TBC1D9B: variants seen among roughly 807,000 people sequenced by gnomAD.
TBC1D9B encodes TBC1 domain family member 9B, also known as TBC1 domain family, member 9B (with GRAM domain).
A neutral mutation model predicts 121.1 loss-of-function variants in TBC1D9B; 87 were observed. The observed-to-expected ratio is 0.72, with a 90% CI of 0.60 to 0.86. The LOEUF is 0.86. Ranked by LOEUF, TBC1D9B falls within the 40% of genes least tolerant of loss-of-function variation. The pLI, the probability that TBC1D9B is intolerant of heterozygous loss-of-function variation, is 0.00. For missense variants in TBC1D9B, 1,540 were observed against 1,628.6 expected (o/e 0.95, Z 0.94); for synonymous variants, 668 against 670.1 (o/e 1.00, Z 0.05).
In TBC1D9B at chr5:179,875,496, G is replaced by A. The variant is rs569471594; in HGVS notation, c.1901-309C>T. Among the ~76,000 whole-genome samples, 5 of 152,228 alleles carry A rather than the reference G, an allele frequency of 3.3e-5. No individual in the cohort carries two copies. In the East Asian group the frequency reaches 5.8e-4, roughly 18 times the overall value. On this transcript the variant is annotated intron_variant, in intron 11 of 20. Coordinates refer to ENST00000355235, the MANE Select transcript of TBC1D9B (RefSeq NM_015043.4). The surrounding 1 kb of genome is among the most constrained non-coding windows in gnomAD (Gnocchi z 4.5). The stretch of plus-strand genomic sequence containing the variant: ...ATGACTCTGTCCCATCCTGATGATT[G>A]TGAATAGACGCAGCTCTGAAGGACC...
intron 3 of TBC1D9B, among the ~76,000 whole-genome samples, chr5:179,898,312 C>T (rs1014514087): frequency 3.3e-5 from 5 of 151,984 alleles, no homozygotes; most frequent in African/African-American, 9.7e-5. Context: ...CCACCACGCC[C>T]GGCTAATTTT....
At chr5:179,905,364 G>A (rs1422696867) in intron 1 of TBC1D9B, among the ~76,000 whole-genome samples, 3 of 152,194 alleles carry the variant, frequency 2.0e-5, no homozygotes, top group Non-Finnish European at 4.4e-5. Context: ...ATCAAGAACA[G>A]AAAGATAATG....
intron 7 of TBC1D9B, chr5:179,887,885 G>A: frequency 1.6e-6 from 1 of 620,986 alleles, no homozygotes; most frequent in Non-Finnish European, 2.8e-6. Flanking sequence ...CAGCAGGAGT[G>A]AGGAGTACCG....
chr5:179,862,828 G>A lies in TBC1D9B; in HGVS notation c.*620C>T, dbSNP rs1759883591. 3.0e-6 allele frequency: 1 copy of A among 333,550 alleles called. No individual in the cohort carries two copies. Among genetic ancestry groups the A allele is most frequent in the Non-Finnish European group, 6.1e-6 (1 of 164,126 alleles). 20.7% of individuals were successfully genotyped at this position (333,550 alleles called of 1,614,324 possible). On this transcript the variant is annotated 3_prime_UTR_variant, in exon 21 of 21. Transcript: ENST00000355235. The stretch of plus-strand genomic sequence containing the variant: ...AATCCAAGGAAATATATCAGGACCT[G>A]AGGGATGTTTTTTTAAAGTTACTGG...
Position 179,865,228 on chromosome 5 carries a change from C to T in TBC1D9B, c.3021+26G>A, listed in dbSNP as rs1214988885. The T allele has an allele frequency of 1.2e-6, 2 of 1,607,402 alleles. No homozygotes were observed. The highest frequency in any genetic ancestry group is 1.1e-5 in the South Asian group (1 of 90,946). On this transcript the variant is annotated intron_variant, in intron 20 of 20. Transcript: ENST00000355235. This position sits in a 1 kb window ranked among gnomAD's most constrained non-coding sequence, Gnocchi z 5.1. Reference sequence around the variant, plus strand: ...CTTGGTCAGAACTCTCCAGAAATGTCTACTGTGGGCTCCAGTGGAGCCTAC... The same window carrying T: ...CTTGGTCAGAACTCTCCAGAAATGTTTACTGTGGGCTCCAGTGGAGCCTAC...
rs374489476 is a variant in TBC1D9B, at chr5:179,888,095, C to A, written c.1254+8G>T. On this transcript the variant is annotated splice_region_variant and intron_variant, in intron 7 of 20. Coordinates refer to ENST00000355235, the MANE Select transcript of TBC1D9B (RefSeq NM_015043.4). ...ACTCGACCCTGCTGCTCCCAAGGGG[C>A]TTCTCACCTCTGTGCTAGGGTCCAC... The A allele has an allele frequency of 2.1e-5, 34 of 1,613,190 alleles. No individual in the cohort carries two copies. Among genetic ancestry groups the A allele is most frequent in the Non-Finnish European group, 2.8e-5 (33 of 1,179,990 alleles).
At position 179,875,931 on chromosome 5, in the gene TBC1D9B, G is replaced by C. The variant is rs752164460; in HGVS notation, c.1889C>G (p.Thr630Ser). 5 of 1,607,000 alleles carry C rather than the reference G, an allele frequency of 3.1e-6. No homozygotes were observed. In the African/African-American group the frequency reaches 6.7e-5, roughly 21 times the overall value. Residue 630 changes from threonine to serine, a missense_variant, in exon 11 of 21, where the codon ACC (threonine) becomes AGC (serine). Coordinates refer to ENST00000355235, the MANE Select transcript of TBC1D9B (RefSeq NM_015043.4). The surrounding 1 kb of genome is among the most constrained non-coding windows in gnomAD (Gnocchi z 4.5). The stretch of plus-strand genomic sequence containing the variant: ...CCGGGGACACTCACCCACCACCCTG[G>C]TGTTGTAGTAGTCGGGCAGCATGCG... ...CERMLPDYYNTRVVGALVDQG... is the reference protein window; with the variant it reads ...CERMLPDYYNSRVVGALVDQG...
intron 20 of TBC1D9B, among the ~76,000 whole-genome samples, chr5:179,864,497 G>A (rs899500209): frequency 4.0e-5 from 6 of 150,894 alleles, no homozygotes; most frequent in African/African-American, 1.5e-4. Context: ...GTTTTAATCA[G>A]AAGCAGCCTC....
chr5:179,901,366 A>T (rs1761163133), intron 2 of TBC1D9B, among the ~76,000 whole-genome samples: 1 of 152,162 alleles, frequency 6.6e-6, no homozygotes, highest in Non-Finnish European at 1.5e-5. Flanking sequence ...TTGAATTTGG[A>T]AGTCAAATTT....
At chr5:179,897,807 T>C (rs1185365488) in intron 3 of TBC1D9B, among the ~76,000 whole-genome samples, 2 of 152,204 alleles carry the variant, frequency 1.3e-5, no homozygotes, top group African/African-American at 4.8e-5. Flanking sequence ...TCCACCTGTT[T>C]TCCTGGAGAT....
Position 179,893,240 on chromosome 5 carries a change from G to T in TBC1D9B, c.805C>A (p.Arg269=). 1.2e-6 allele frequency: 2 copies of T among 1,612,510 alleles called. No homozygotes were observed. The highest frequency in any genetic ancestry group is 2.2e-5 in the South Asian group (2 of 91,052). ...LEDKALPRPI[R]PHRNISALKR... is the part of the protein sequence containing the mutation. The stretch of plus-strand genomic sequence containing the variant: ...AGGGCTGAGATGTTCCTGTGTGGCC[G>T]GATGGGCCTAGGCAGGGCCTTGTCC... The change falls in exon 5 of 21, where the codon CGG becomes AGG. Residue 269 remains arginine, a synonymous_variant. Coordinates refer to ENST00000355235, the MANE Select transcript of TBC1D9B (RefSeq NM_015043.4).
Position 179,894,411 on chromosome 5 carries a change from G to A in TBC1D9B, c.552C>T (p.Phe184=), listed in dbSNP as rs764114037. The part of the protein sequence containing the change: ...WLYLTVNHLC[F]YSFLLGKEVS... ...CTTCCTTCCCCAGCAGGAAGGAGTA[G>A]AAGCACAGGTGGTTGACCGTCAGGT... is the stretch of plus-strand genomic sequence containing the variant. Residue 184 remains phenylalanine (F), a synonymous_variant, in exon 4 of 21, where the codon TTC becomes TTT. Transcript: ENST00000355235. 1.5e-5 allele frequency: 24 copies of A among 1,613,654 alleles called. No individual in the cohort carries two copies. Among genetic ancestry groups the A allele is most frequent in the Non-Finnish European group, 2.0e-5 (24 of 1,179,832 alleles).
In TBC1D9B at chr5:179,893,389, A is replaced by G. The variant is rs375480608; in HGVS notation, c.656T>C (p.Val219Ala). Residue 219 changes from valine (V) to alanine (A), a missense_variant, in exon 5 of 21, where the codon GTG becomes GCG. Transcript: ENST00000355235. The stretch of plus-strand genomic sequence containing the variant: ...GAAGAGCTCCTGGTCGCGGGTGTCC[A>G]CACGGATGCTCTCGGGGAAGAGCAG... ...ATLLFPESIR[V>A]DTRDQELFFS... 6.2e-7 allele frequency: 1 copy of G among 1,614,134 alleles called. No individual in the cohort carries two copies. Among genetic ancestry groups the G allele is most frequent in the Non-Finnish European group, 8.5e-7 (1 of 1,180,006 alleles).
At chr5:179,900,326 G>A (rs1187124020) in intron 2 of TBC1D9B, among the ~76,000 whole-genome samples, 1 of 152,218 alleles carries the variant, frequency 6.6e-6, no homozygotes, top group African/African-American at 2.4e-5. Flanking sequence ...AAAGGGATGA[G>A]GGGAGATCTC....
intron 2 of TBC1D9B, 41 bp from the exon 3 acceptor site, chr5:179,899,348 C>T (rs776684058): frequency 6.4e-7 from 1 of 1,558,622 alleles, no homozygotes; most frequent in South Asian, 1.1e-5. Flanking sequence ...ATCATGAATT[C>T]CCCAGGCCTT....
At chr5:179,864,308 A>G (rs951209824) in intron 20 of TBC1D9B, among the ~76,000 whole-genome samples, 180 bp from the exon 21 acceptor site, 1 of 152,100 alleles carries the variant, frequency 6.6e-6, no homozygotes, top group African/African-American at 2.4e-5. Context: ...GAGAGGCCAC[A>G]CAGCTCTTCA....
Position 179,907,682 on chromosome 5 carries a change from C to G in TBC1D9B, c.118+22G>C. ...AGCCCAGCCGCGGCGCCCACAGGCC[C>G]GGCCGCCCGCGCGCCTCTCACCCGT... On this transcript the variant is annotated intron_variant, in intron 1 of 20. Coordinates refer to ENST00000355235, the MANE Select transcript of TBC1D9B (RefSeq NM_015043.4). This position sits in a 1 kb window ranked among gnomAD's most constrained non-coding sequence, Gnocchi z 5.3. The G allele has an allele frequency of 4.7e-6, 5 of 1,063,522 alleles. No homozygotes were observed. Among genetic ancestry groups the G allele is most frequent in the Non-Finnish European group, 5.8e-6 (5 of 869,258 alleles). The allele number at this position is 1,063,522 out of a possible 1,614,324, so 65.9% of individuals were successfully genotyped here. A position where few individuals can be genotyped will look rare whatever the true frequency, so the allele number is the denominator to read the frequency against.
intron 7 of TBC1D9B, chr5:179,887,894 C>T (rs1009558855): frequency 2.8e-5 from 18 of 640,568 alleles, no homozygotes; most frequent in East Asian, 2.2e-4. Flanking sequence ...TGAGGAGTAC[C>T]GGGTGTGTGG....
rs1346083707 is a variant in TBC1D9B at position 179,864,482 on chromosome 5, C to T, written c.3022-354G>A. On this transcript the variant is annotated intron_variant, in intron 20 of 20. Coordinates refer to ENST00000355235, the MANE Select transcript of TBC1D9B (RefSeq NM_015043.4). ...GGACTTCGTTGTGTTTTAGAATCACCTTTGGTTTTAATCAGAAGCAGCCTC... is the reference window on the plus strand; with the variant it reads ...GGACTTCGTTGTGTTTTAGAATCACTTTTGGTTTTAATCAGAAGCAGCCTC... Among the ~76,000 whole-genome samples, 3 of 151,558 alleles carry T rather than the reference C, an allele frequency of 2.0e-5. No individual in the cohort carries two copies. The East Asian group carries it at 5.8e-4, about 29-fold the overall frequency.
Sources: allele counts gnomAD v4.1 joint callset (sites outside exome capture counted in the v4.1 genomes callset), GRCh38; gene constraint gnomAD v4.1.1; non-coding constraint Gnocchi (gnomAD v3.1); transcripts MANE v1.5; gene names NCBI Gene and HGNC (gene_info 2026-07-23, HGNC 2026-07-21).